The following FRMD6 variants were observed in gnomAD, a reference collection of about 807,000 sequenced individuals.
The protein encoded by FRMD6 is FERM domain-containing protein 6.
Under a neutral mutation model 73.2 loss-of-function variants are expected in FRMD6, and 37 were observed. The ratio of observed to expected loss-of-function variants is 0.51; its 90% CI spans 0.39 to 0.66. The LOEUF is 0.66. Ranked by LOEUF, FRMD6 falls within the 30% of genes least tolerant of loss-of-function variation. FRMD6 has a pLI of 0.00. For synonymous variants in FRMD6, 273 were observed against 282.2 expected (o/e 0.97, Z 0.33); for missense variants, 714 against 780.5 (o/e 0.91, Z 1.02).
At position 51,668,598 on chromosome 14, in the gene FRMD6, G is replaced by A. The variant is rs561476583; in HGVS notation, c.-147+16602G>A. On this transcript the variant is annotated intron_variant, in intron 1 of 13. Coordinates refer to ENST00000344768, the MANE Select transcript of FRMD6 (RefSeq NM_001267046.2). ...TGGGATTACAGGCATGAGCCACCGT[G>A]CCCAGCCCAGAACTTTGTAATCTTA... Among the ~76,000 whole-genome samples the A allele has an allele frequency of 4.6e-5, 7 of 151,924 alleles. No individual in the cohort carries two copies. The East Asian group carries it at 1.2e-3, about 25-fold the overall frequency.
intron 6 of FRMD6, 123 bp from the exon 7 acceptor site, chr14:51,707,955 A>G: frequency 1.2e-6 from 1 of 825,974 alleles, no homozygotes; most frequent in East Asian, 2.6e-5. Flanking sequence ...TGAATTTTCA[A>G]TGCAAACCAA....
chr14:51,488,112 G>A (rs376610613), upstream of FRMD6, among the ~76,000 whole-genome samples: 57 of 152,284 alleles, frequency 3.7e-4, 1 homozygote, highest in East Asian at 5.0e-3. Flanking sequence ...CCTAGGCTCT[G>A]CTTCTATGAT....
chr14:51,474,151 G>A, the FRMD6 span, among the ~76,000 whole-genome samples: 3 of 152,146 alleles, frequency 2.0e-5, no homozygotes, highest in South Asian at 4.1e-4. Flanking sequence ...TTTAATCACA[G>A]CATCACTTCT....
chr14:51,485,534 C>T (rs1173186672), upstream of FRMD6, among the ~76,000 whole-genome samples: 2 of 152,192 alleles, frequency 1.3e-5, no homozygotes, highest in Non-Finnish European at 2.9e-5. Context: ...AAGACAAACC[C>T]TAGATCCAGT....
In FRMD6 at chr14:51,711,580, G is replaced by A; in HGVS notation, c.764G>A (p.Gly255Glu). The A allele has an allele frequency of 6.2e-7, 1 of 1,606,888 alleles. No individual in the cohort carries two copies. Among genetic ancestry groups the A allele is most frequent in the South Asian group, 1.1e-5 (1 of 90,576 alleles). The change falls in exon 8 of 14, where the codon GGA becomes GAA. Residue 255 changes from glycine (G) to glutamate (E), a missense_variant. Coordinates refer to ENST00000344768, the MANE Select transcript of FRMD6 (RefSeq NM_001267046.2). ...ASLTLGLTMR[G>E]IQIFQNLDEE... The stretch of plus-strand genomic sequence containing the variant: ...CTGACTCTTGGATTGACCATGAGGG[G>A]AATACAGATTTTTCAGGTTGGTAAA...
chr14:51,578,478 CTG>C (rs1004190107), intron 2 of FRMD6, among the ~76,000 whole-genome samples: 4 of 152,180 alleles, frequency 2.6e-5, no homozygotes, highest in African/African-American at 4.8e-5. Context: ...ATTTTTGTTT[CTG>C]TGCATGTTCA....
At chr14:51,501,527 G>T (rs1181038813) in intron 1 of FRMD6, among the ~76,000 whole-genome samples, 1 of 152,084 alleles carries the variant, frequency 6.6e-6, no homozygotes, top group Non-Finnish European at 1.5e-5. Context: ...CTCCATCCAG[G>T]TCCTTGCAAA....
intron 2 of FRMD6, among the ~76,000 whole-genome samples, chr14:51,628,630 T>C (rs1172788874): frequency 1.3e-5 from 2 of 151,692 alleles, no homozygotes; most frequent in African/African-American, 2.4e-5. Context: ...CAGGCCAACA[T>C]GGTGAAATGC....
chr14:51,513,853 C>G (rs935478790), intron 1 of FRMD6, among the ~76,000 whole-genome samples: 2 of 152,206 alleles, frequency 1.3e-5, no homozygotes, highest in African/African-American at 4.8e-5. Flanking sequence ...CCAATCCCAA[C>G]TGGAGGCAAG....
intron 1 of FRMD6, among the ~76,000 whole-genome samples, chr14:51,489,770 C>T (rs1566772557): frequency 1.3e-5 from 2 of 152,224 alleles, no homozygotes; most frequent in African/African-American, 4.8e-5. Flanking sequence ...TCTAGACACA[C>T]ACTTGCCTTG....
chr14:51,526,420 C>A (rs1885260961), intron 1 of FRMD6, among the ~76,000 whole-genome samples: 3 of 152,122 alleles, frequency 2.0e-5, no homozygotes, highest in Non-Finnish European at 4.4e-5. Context: ...GAGAATCCCC[C>A]AATCAATAAC....
At chr14:51,704,253 A>G (rs939067408) in intron 5 of FRMD6, among the ~76,000 whole-genome samples, 3 of 152,148 alleles carry the variant, frequency 2.0e-5, no homozygotes, top group Non-Finnish European at 4.4e-5. Flanking sequence ...GTATATATGC[A>G]AATACTTATA....
chr14:51,551,012 C>T (rs894149864), intron 1 of FRMD6, among the ~76,000 whole-genome samples: 3 of 152,184 alleles, frequency 2.0e-5, no homozygotes, highest in Non-Finnish European at 4.4e-5. Context: ...GGATGACCTT[C>T]ACTTGTCCCT....
chr14:51,437,463 C>G, the FRMD6 span, among the ~76,000 whole-genome samples: 4 of 152,168 alleles, frequency 2.6e-5, no homozygotes. Context: ...CCACCACACC[C>G]GGCTAATTTT....
the FRMD6 span, among the ~76,000 whole-genome samples, chr14:51,472,517 AT>A: frequency 6.6e-6 from 1 of 152,076 alleles, no homozygotes; most frequent in African/African-American, 2.4e-5. Context: ...GCTAGCCAGG[AT>A]GGCCTCGATC....
intron 1 of FRMD6, among the ~76,000 whole-genome samples, chr14:51,652,524 G>T (rs1892496218): frequency 6.6e-6 from 1 of 152,198 alleles, no homozygotes; most frequent in Non-Finnish European, 1.5e-5. Flanking sequence ...GCGCCGTGCC[G>T]CCTGTTGTGC....
chr14:51,638,594 A>G (rs1891678383), intron 2 of FRMD6, among the ~76,000 whole-genome samples: 1 of 152,196 alleles, frequency 6.6e-6, no homozygotes, highest in Admixed American at 6.5e-5. Flanking sequence ...TCAGCTCCCC[A>G]TTTGTGACCC....
intron 1 of FRMD6, among the ~76,000 whole-genome samples, chr14:51,682,379 G>A (rs1221071408): frequency 2.0e-5 from 3 of 150,932 alleles, no homozygotes; most frequent in South Asian, 2.1e-4. Flanking sequence ...TTTTTTTTAA[G>A]TAAAGTAAAT....
At chr14:51,548,267 C>T (rs914949457) in intron 1 of FRMD6, among the ~76,000 whole-genome samples, 11 of 152,160 alleles carry the variant, frequency 7.2e-5, no homozygotes, top group Non-Finnish European at 1.0e-4. Flanking sequence ...TGTTCATTCT[C>T]GCTAAGTTCT....
Sources: gnomAD v4.1 joint callset for allele counts (sites outside exome capture counted in the v4.1 genomes callset) on GRCh38, gnomAD v4.1.1 for gene constraint, MANE v1.5 for transcripts, NCBI Gene and HGNC (gene_info 2026-07-23, HGNC 2026-07-21) for gene names.